TNKS: variants seen among roughly 807,000 people sequenced by gnomAD.
TNKS encodes the protein tankyrase, also known as poly [ADP-ribose] polymerase tankyrase-1.
TNKS carries 72 observed loss-of-function variants against 135.8 expected under a neutral mutation model. The observed-to-expected ratio is 0.53, with a 90% CI of 0.44 to 0.64. TNKS has a LOEUF of 0.64. TNKS is among the 30% of genes least tolerant of loss of function. The pLI is 0.00. For missense variants in TNKS, 1,769 were observed against 1,674.0 expected, an observed-to-expected ratio of 1.06 and a Z score of -0.99; for synonymous variants, 849 against 649.3, an observed-to-expected ratio of 1.31 and a Z score of -4.68.
At chr8:9,556,933 G>C (rs1013349020) in intron 1 of TNKS, 65 of 497,846 alleles carry the variant, frequency 1.3e-4, no homozygotes, top group Admixed American at 8.0e-4. Flanking sequence ...GATTTGGACA[G>C]CTTTAGAGTA....
At chr8:9,753,916 C>T (rs1280607300) in intron 20 of TNKS, among the ~76,000 whole-genome samples, 7 of 152,220 alleles carry the variant, frequency 4.6e-5, no homozygotes, top group Non-Finnish European at 1.0e-4. Context: ...GAGGACTATA[C>T]TCCCTACAGA....
At chr8:9,755,931 T>C (rs1806811153) in intron 20 of TNKS, among the ~76,000 whole-genome samples, 1 of 152,240 alleles carries the variant, frequency 6.6e-6, no homozygotes, top group Admixed American at 6.5e-5. Context: ...ATAGATACTT[T>C]GCCAAGTTCT....
Position 9,780,068 on chromosome 8 carries a change from T to C in TNKS, c.*3332T>C, listed in dbSNP as rs1365296719. 6.6e-6 allele frequency: 1 copy of C among 152,354 alleles called. No homozygotes were observed. The highest frequency in any genetic ancestry group is 1.5e-5 in the Non-Finnish European group (1 of 68,042). 9.4% of individuals were successfully genotyped at this position (152,354 alleles called of 1,614,324 possible). On this transcript the variant is annotated 3_prime_UTR_variant, in exon 27 of 27. Transcript: ENST00000310430. ...AATGTAGATTAACATTCTATTATTG[T>C]ATCCGTTTTACAAAAAATAAAATTT...
intron 11 of TNKS, among the ~76,000 whole-genome samples, chr8:9,717,950 A>T (rs1203005781): frequency 1.3e-5 from 2 of 152,156 alleles, no homozygotes; most frequent in African/African-American, 4.8e-5. Context: ...CAGGCAAAAT[A>T]CAAACAATAC....
In TNKS at chr8:9,778,588, C is replaced by T. The variant is rs531433445; in HGVS notation, c.*1852C>T. On this transcript the variant is annotated 3_prime_UTR_variant, in exon 27 of 27. Transcript: ENST00000310430. ...GTTGCTTCTTTTGAAGTTTCAGTGA[C>T]CCAAGCTGGGTGTTTGTGTCTTGGC... 6.6e-6 allele frequency: 1 copy of T among 152,590 alleles called. No individual in the cohort carries two copies. The highest frequency in any genetic ancestry group is 1.5e-5 in the Non-Finnish European group (1 of 68,032). 9.5% of individuals were successfully genotyped at this position (152,590 alleles called of 1,614,324 possible).
At chr8:9,756,044 G>A (rs7004915) in intron 20 of TNKS, among the ~76,000 whole-genome samples, 42,095 of 151,970 alleles carry the variant, frequency 0.28, 6,254 homozygotes, top group East Asian at 0.39. Context: ...ACATAGGTAG[G>A]AACACTTTTT....
intron 2 of TNKS, among the ~76,000 whole-genome samples, chr8:9,583,653 T>A (rs1798255864): frequency 6.6e-6 from 1 of 151,820 alleles, no homozygotes; most frequent in South Asian, 2.1e-4. Flanking sequence ...CATTCCCAGC[T>A]AAGTTTTGTA....
At chr8:9,591,602 A>G (rs4593541) in intron 2 of TNKS, among the ~76,000 whole-genome samples, 4,091 of 152,036 alleles carry the variant, frequency 0.027, 171 homozygotes, top group African/African-American at 0.09. Context: ...CTTTGGTTTT[A>G]TTTTTATTTT....
chr8:9,710,340 G>A (rs969950624), intron 11 of TNKS, 120 bp downstream of exon 11: 20 of 858,586 alleles, frequency 2.3e-5, no homozygotes, highest in African/African-American at 8.5e-5. Context: ...CTATTAGTTC[G>A]TACTTAAATT....
chr8:9,584,363 G>T (rs1037176974), intron 2 of TNKS, among the ~76,000 whole-genome samples: 1 of 152,056 alleles, frequency 6.6e-6, no homozygotes, highest in African/African-American at 2.4e-5. Context: ...GATTGTCTTG[G>T]TTTGTCCAGT....
intron 12 of TNKS, among the ~76,000 whole-genome samples, chr8:9,722,075 GA>G (rs5889303): frequency 0.7 from 103,597 of 148,100 alleles, 36,814 homozygotes; most frequent in Admixed American, 0.8. Context: ...AAAAAGAAAA[GA>G]AAAGAAAAAA....
At chr8:9,666,304 A>T (rs1459904449) in intron 3 of TNKS, among the ~76,000 whole-genome samples, 1 of 152,274 alleles carries the variant, frequency 6.6e-6, no homozygotes, top group African/African-American at 2.4e-5. Flanking sequence ...CTGGAAGTTT[A>T]CAATTACATA....
At chr8:9,611,726 C>A (rs1258126196) in intron 2 of TNKS, among the ~76,000 whole-genome samples, 2 of 152,152 alleles carry the variant, frequency 1.3e-5, no homozygotes, top group African/African-American at 4.8e-5. Flanking sequence ...ACATAAATCC[C>A]CATAGAGAAC....
chr8:9,562,005 C>T (rs1018137088), intron 1 of TNKS, among the ~76,000 whole-genome samples: 2 of 151,970 alleles, frequency 1.3e-5, no homozygotes, highest in African/African-American at 4.8e-5. Flanking sequence ...TTAGTAGAGA[C>T]GGGGTTTCAC....
At chr8:9,671,763 A>G (rs141059333) in intron 3 of TNKS, among the ~76,000 whole-genome samples, 1 of 152,246 alleles carries the variant, frequency 6.6e-6, no homozygotes, top group African/African-American at 2.4e-5. Context: ...ACTTCGAAAA[A>G]TGAATAAGAA....
In TNKS at chr8:9,743,736, T is replaced by C. The variant is rs577468589; in HGVS notation, c.2644-4288T>C. 3.9e-5 allele frequency among the ~76,000 whole-genome samples: 6 copies of C among 152,268 alleles called. No individual in the cohort carries two copies. In the South Asian group the frequency reaches 1.2e-3, roughly 32 times the overall value. ...GACCCCATTTCTACCAAAAAATACA[T>C]ATCCATATCTATAGATGTATAGATA... On this transcript the variant is annotated intron_variant, in intron 17 of 26. Coordinates refer to ENST00000310430, the MANE Select transcript of TNKS (RefSeq NM_003747.3).
At chr8:9,747,949 A>C (rs1806319526) in intron 17 of TNKS, 75 bp from the exon 18 acceptor site, 4 of 1,357,564 alleles carry the variant, frequency 2.9e-6, no homozygotes, top group Non-Finnish European at 4.0e-6. Context: ...TTGTTAAATA[A>C]AAACAGGTAT....
chr8:9,556,481 G>C lies in TNKS; in HGVS notation c.542G>C (p.Gly181Ala), dbSNP rs748226685. Residue 181 changes from glycine to alanine, a missense_variant, in exon 1 of 27, where the codon GGG becomes GCG. By Grantham distance (60) the Gly-to-Ala change is moderately conservative. Around this residue, in one of 5 missense-constraint regions of TNKS, gnomAD observed 450 missense variants for 304.9 expected, o/e 1.48. Transcript: ENST00000310430. The stretch of plus-strand genomic sequence containing the variant: ...GGGACAGGGGTCCCAGCAGTGAGCG[G>C]GGCCCTACGGGAACTGCTGGAGGCC... ...GPGTGVPAVS[G>A]ALRELLEACR... 12 of 1,614,174 alleles carry C rather than the reference G, an allele frequency of 7.4e-6. No homozygotes were observed. Among genetic ancestry groups the C allele is most frequent in the African/African-American group, 4.0e-5 (3 of 75,056 alleles).
chr8:9,589,789 A>C (rs1798522569), intron 2 of TNKS, among the ~76,000 whole-genome samples: 1 of 152,264 alleles, frequency 6.6e-6, no homozygotes, highest in East Asian at 1.9e-4. Flanking sequence ...TCGAAAATTG[A>C]TTACTGTTAA....
Sources: gnomAD v4.1 joint callset for allele counts (sites outside exome capture counted in the v4.1 genomes callset) on GRCh38, gnomAD v4.1.1 for gene constraint, gnomAD v4.1.1 regional missense constraint, MANE v1.5 for transcripts, NCBI Gene and HGNC (gene_info 2026-07-23, HGNC 2026-07-21) for gene names.